Variants in TSC2 observed in about 807,000 individuals in gnomAD.
The protein encoded by TSC2 is TSC complex subunit 2, also known as tuberin.
In TSC2, 29 loss-of-function variants were observed where a neutral mutation model predicts 202.2. The ratio of observed to expected loss-of-function variants is 0.14; its 90% CI spans 0.11 to 0.20. TSC2 has a LOEUF of 0.20. Ranked by LOEUF, TSC2 falls within the 10% of genes least tolerant of loss-of-function variation. The probability of loss-of-function intolerance (pLI) is 1.00; values close to 1 mark genes in which losing one functional copy is unlikely to be tolerated. For missense variants in TSC2, 2,429 were observed against 2,420.0 expected, an observed-to-expected ratio of 1.00 and a Z score of -0.08; for synonymous variants, 1,349 against 1,044.0, an observed-to-expected ratio of 1.29 and a Z score of -5.63.
Position 2,085,168 on chromosome 16 carries a change from T to G in TSC2, c.4570-62T>G. The G allele has an allele frequency of 3.7e-6, 6 of 1,609,284 alleles. No homozygotes were observed. The South Asian group carries it at 6.6e-5, about 18-fold the overall frequency. ...CTGTGGCAGCCTGCCGTGACCGGCC[T>G]GGGTGGGGCGGCCTCCTGTGGACGG... On this transcript the variant is annotated intron_variant, in intron 35 of 41. Coordinates refer to ENST00000219476, the MANE Select transcript of TSC2 (RefSeq NM_000548.5).
Position 2,088,176 on chromosome 16 carries a change from C to T in TSC2, c.5160+37C>T, listed in dbSNP as rs45517400. 938 of 1,612,994 alleles carry T rather than the reference C, an allele frequency of 5.8e-4. No homozygotes were observed. The highest frequency in any genetic ancestry group is 7.2e-4 in the Non-Finnish European group (855 of 1,179,968). On this transcript the variant is annotated intron_variant, in intron 40 of 41. Transcript: ENST00000219476. The stretch of plus-strand genomic sequence containing the variant: ...TGGGTCCAGGCGTGAGCTGGTGGGA[C>T]AGGCCCAGGTGCCACCTGATAGTGA...
intron 14 of TSC2, chr16:2,063,864 A>G (rs954798775): frequency 1.2e-5 from 4 of 346,562 alleles, no homozygotes; most frequent in African/African-American, 8.5e-5. Context: ...ACACACACGC[A>G]TATTCACGCA....
At chr16:2,054,953 G>C (rs2085581366) in intron 5 of TSC2, 1 of 333,852 alleles carries the variant, frequency 3.0e-6, no homozygotes, top group African/African-American at 2.1e-5. Context: ...CTCAGTGGCT[G>C]GGCTGCCTGC....
chr16:2,085,684 G>A (rs563887741), intron 36 of TSC2, among the ~76,000 whole-genome samples: 88 of 152,330 alleles, frequency 5.8e-4, no homozygotes, highest in Middle Eastern at 6.8e-3. Context: ...AGCAGCGGGG[G>A]CCGGGCGCAC....
intron 38 of TSC2, chr16:2,087,333 G>T (rs1231399296): frequency 3.0e-6 from 1 of 335,694 alleles, no homozygotes; most frequent in African/African-American, 2.1e-5. Context: ...AGCTGGCATG[G>T]CCCAGGCAGG....
In TSC2 at chr16:2,062,868, C is replaced by T. The variant is rs528774637; in HGVS notation, c.1362-104C>T. 2.9e-5 allele frequency: 38 copies of T among 1,317,360 alleles called. 3 individuals are homozygous for T. Among genetic ancestry groups the T allele is most frequent in the South Asian group, 2.8e-4 (22 of 78,814 alleles). 81.6% of individuals were successfully genotyped at this position (1,317,360 alleles called of 1,614,324 possible). On this transcript the variant is annotated intron_variant, in intron 13 of 41. Transcript: ENST00000219476. Reference sequence around the variant, plus strand: ...GAGCTCTGTGCCCTGTGTGCCTGGCCGCGGGAGGACCCAGAGTCGGGCTGG... The same window carrying T: ...GAGCTCTGTGCCCTGTGTGCCTGGCTGCGGGAGGACCCAGAGTCGGGCTGG...
chr16:2,072,253 A>C lies in TSC2; in HGVS notation c.2110A>C (p.Lys704Gln). ...CCTCTCCTCGCAGGAGTCTGACTGG[A>C]AGGTGCTGAAGCTGGTTCTGGGCAG... ...LQCLKQESDW[K>Q]VLKLVLGRLP... is the part of the protein sequence containing the mutation. Residue 704 changes from lysine to glutamine, a missense_variant, in exon 20 of 42, where the codon AAG (lysine) becomes CAG (glutamine). Physicochemically the swap from Lys to Gln is moderately conservative, Grantham distance 53. Transcript: ENST00000219476. 1 of 1,614,018 alleles carries C rather than the reference A, an allele frequency of 6.2e-7. No homozygotes were observed. The highest frequency in any genetic ancestry group is 8.5e-7 in the Non-Finnish European group (1 of 1,180,022).
chr16:2,055,396 C>G lies in TSC2; in HGVS notation c.482-6C>G. The G allele has an allele frequency of 1.9e-6, 3 of 1,613,624 alleles. No homozygotes were observed. The highest frequency in any genetic ancestry group is 2.5e-6 in the Non-Finnish European group (3 of 1,179,592). On this transcript the variant is annotated splice_polypyrimidine_tract_variant and splice_region_variant and intron_variant, in intron 5 of 41. Transcript: ENST00000219476. The stretch of plus-strand genomic sequence containing the variant: ...TCCTCGCAAACTGCCGCCGCTTCTC[C>G]CCCAGCTGACTTTGTCCTGCAGTGG...
intron 22 of TSC2, 55 bp downstream of exon 22, chr16:2,074,444 G>C: frequency 1.3e-6 from 2 of 1,595,374 alleles, no homozygotes; most frequent in African/African-American, 2.7e-5. Flanking sequence ...TGTGTAACCT[G>C]TGCGGGCTTC....
rs201835391 is a variant in TSC2 at position 2,076,509 on chromosome 16, C to G, written c.2761C>G (p.Leu921Val). The change falls in exon 25 of 42, where the codon CTC becomes GTC. Residue 921 changes from leucine to valine, a missense_variant. Physicochemically the swap from Leu to Val is conservative, Grantham distance 32 (BLOSUM62 1). Coordinates refer to ENST00000219476, the MANE Select transcript of TSC2 (RefSeq NM_000548.5). ...FITKGLRSNVLLSFDDTPEKD... is the reference protein window; with the variant it reads ...FITKGLRSNVVLSFDDTPEKD... ...CTGCCAGGGCCTGCGGTCCAATGTC[C>G]TCTTGTCTTTTGATGACACCCCCGA... 50 of 1,613,552 alleles carry G rather than the reference C, an allele frequency of 3.1e-5. No homozygotes were observed. The Admixed American group carries it at 8.2e-4, about 26-fold the overall frequency.
intron 5 of TSC2, chr16:2,055,101 G>A (rs986338454): frequency 8.5e-6 from 4 of 471,902 alleles, no homozygotes; most frequent in Admixed American, 3.3e-5. Context: ...TGATGTCGGC[G>A]TCTCCCAGCC....
Position 2,065,612 on chromosome 16 carries a change from C to T in TSC2, c.1693C>T (p.Leu565=), listed in dbSNP as rs878854078. 1.2e-6 allele frequency: 2 copies of T among 1,613,722 alleles called. No homozygotes were observed. The highest frequency in any genetic ancestry group is 1.7e-6 in the Non-Finnish European group (2 of 1,180,000). The part of the protein sequence containing the change: ...ASLEDVKTAV[L]GLLVILQTKL... ...CTTGGAGGATGTGAAGACAGCCGTC[C>T]TGGGGCTTCTGGTCATCCTTCAGGT... The change falls in exon 16 of 42, where the codon CTG becomes TTG. Residue 565 remains leucine (L), a synonymous_variant. Coordinates refer to ENST00000219476, the MANE Select transcript of TSC2 (RefSeq NM_000548.5).
chr16:2,087,848 C>G lies in TSC2; in HGVS notation c.4990-15C>G, dbSNP rs763702674. ...ACGCTGTGTGCGGGGATGACCCTTT[C>G]TCTTGTCCGGGCAGGGCCAGTTCAA... On this transcript the variant is annotated splice_polypyrimidine_tract_variant and intron_variant, in intron 38 of 41. Transcript: ENST00000219476. The G allele has an allele frequency of 1.2e-6, 2 of 1,612,374 alleles. No individual in the cohort carries two copies. The highest frequency in any genetic ancestry group is 1.7e-5 in the Admixed American group (1 of 59,960).
Position 2,088,881 on chromosome 16 carries a change from G to GCGCGCGCACACACACA in TSC2, c.*272_*273insGCGCGCACACACACAC, listed in dbSNP as rs142285430. On this transcript the variant is annotated 3_prime_UTR_variant, in exon 42 of 42. Transcript: ENST00000219476. The stretch of plus-strand genomic sequence containing the variant: ...ACAGCACACTCGCGCGTGCGCGCGC[G>GCGCGCGCACACACACA]CACACACACACACACACAGTCACCT... 3 of 410,742 alleles carry GCGCGCGCACACACACA rather than the reference G, an allele frequency of 7.3e-6. No homozygotes were observed. Among genetic ancestry groups the GCGCGCGCACACACACA allele is most frequent in the African/African-American group, 6.8e-5 (3 of 44,060 alleles). 25.4% of individuals were successfully genotyped at this position (410,742 alleles called of 1,614,324 possible).
chr16:2,069,674 G>C (rs1040101532), intron 16 of TSC2, among the ~76,000 whole-genome samples: 1 of 152,094 alleles, frequency 6.6e-6, no homozygotes. Context: ...TAGAGACAGG[G>C]TTTCACCATG....
At chr16:2,057,789 C>T (rs563851377) in intron 9 of TSC2, among the ~76,000 whole-genome samples, 2 of 150,110 alleles carry the variant, frequency 1.3e-5, no homozygotes, top group East Asian at 4.0e-4. Context: ...CTGCATCTCT[C>T]CCAGCCCTGC....
intron 31 of TSC2, chr16:2,082,073 C>T: frequency 1.7e-6 from 1 of 596,438 alleles, no homozygotes; most frequent in East Asian, 2.8e-5. Flanking sequence ...GCACTGCGGG[C>T]TCCAGGAGGC....
intron 11 of TSC2, chr16:2,061,666 TG>T: frequency 1.3e-6 from 1 of 765,278 alleles, no homozygotes; most frequent in Non-Finnish European, 2.2e-6. Context: ...TGGGTCAGGG[TG>T]GCCCCTGGAG....
In TSC2 at chr16:2,054,233, C is replaced by T. The variant is rs138586591; in HGVS notation, c.337-63C>T. On this transcript the variant is annotated intron_variant, in intron 4 of 41. Transcript: ENST00000219476. Reference sequence around the variant, plus strand: ...TCCGGGTGCCCCTGCACTTCAGGGACTTCTTGGCAGCCGTGTGGGCGACGC... The same window carrying T: ...TCCGGGTGCCCCTGCACTTCAGGGATTTCTTGGCAGCCGTGTGGGCGACGC... 6.8e-5 allele frequency: 109 copies of T among 1,612,770 alleles called. No individual in the cohort carries two copies. In the East Asian group the frequency reaches 2.3e-3, roughly 34 times the overall value.
Sources: gnomAD v4.1 joint callset for allele counts (sites outside exome capture counted in the v4.1 genomes callset) on GRCh38, gnomAD v4.1.1 for gene constraint, MANE v1.5 for transcripts, NCBI Gene and HGNC (gene_info 2026-07-23, HGNC 2026-07-21) for gene names.